ST6GALNAC3: variants seen among roughly 807,000 people sequenced by gnomAD.
The protein encoded by ST6GALNAC3 is ST6 N-acetylgalactosaminide alpha-2,6-sialyltransferase 3, also known as alpha-N-acetylgalactosaminide alpha-2,6-sialyltransferase 3.
Under a neutral mutation model 32.7 loss-of-function variants are expected in ST6GALNAC3, and 25 were observed. The observed-to-expected ratio is 0.76, with a 90% CI of 0.56 to 1.07. The LOEUF (loss-of-function observed/expected upper bound fraction) is 1.07. ST6GALNAC3 is among the 50% of genes least tolerant of loss of function. The pLI is 0.00. For missense variants in ST6GALNAC3, 355 were observed against 382.4 expected, an observed-to-expected ratio of 0.93 and a Z score of 0.60; for synonymous variants, 129 against 133.1, an observed-to-expected ratio of 0.97 and a Z score of 0.21.
In ST6GALNAC3 at chr1:76,482,435, C is replaced by A. The variant is rs142382177; in HGVS notation, c.623+70018C>A. On this transcript the variant is annotated intron_variant, in intron 3 of 4. Coordinates refer to ENST00000328299, the MANE Select transcript of ST6GALNAC3 (RefSeq NM_152996.4). ...GGTAAGTACAACAAAGTGTGTAATTCACTGGGAAGCAGAACAGAAAAGATG... is the reference window on the plus strand; with the variant it reads ...GGTAAGTACAACAAAGTGTGTAATTAACTGGGAAGCAGAACAGAAAAGATG... 2.6e-5 allele frequency among the ~76,000 whole-genome samples: 4 copies of A among 152,208 alleles called. No individual in the cohort carries two copies. The East Asian group carries it at 5.8e-4, about 22-fold the overall frequency.
chr1:76,498,424 G>A (rs1660987546), intron 3 of ST6GALNAC3, among the ~76,000 whole-genome samples: 1 of 152,152 alleles, frequency 6.6e-6, no homozygotes, highest in Non-Finnish European at 1.5e-5. Context: ...CTTTCCAAAT[G>A]TGAGGGTCAT....
chr1:76,367,114 A>G (rs1298025217), intron 2 of ST6GALNAC3, among the ~76,000 whole-genome samples: 1 of 152,210 alleles, frequency 6.6e-6, no homozygotes, highest in East Asian at 1.9e-4. Flanking sequence ...GTGTGAAGAA[A>G]ATAGGAGTTA....
intron 1 of ST6GALNAC3, among the ~76,000 whole-genome samples, chr1:76,167,620 T>A (rs1486374429): frequency 1.3e-5 from 2 of 152,180 alleles, no homozygotes; most frequent in Admixed American, 1.3e-4. Context: ...CATCTGGCCC[T>A]GGGCTTTTAT....
At chr1:76,549,257 C>T (rs1664476320) in intron 3 of ST6GALNAC3, among the ~76,000 whole-genome samples, 1 of 152,082 alleles carries the variant, frequency 6.6e-6, no homozygotes, top group Non-Finnish European at 1.5e-5. Context: ...ATCTCAAATC[C>T]AATTGATGTC....
chr1:76,630,996 A>G lies in ST6GALNAC3; in HGVS notation c.*2190A>G, dbSNP rs1649272110. The G allele has an allele frequency of 1.0e-6, 1 of 985,586 alleles. No individual in the cohort carries two copies. The highest frequency in any genetic ancestry group is 1.2e-6 in the Non-Finnish European group (1 of 829,872). 61.1% of individuals were successfully genotyped at this position (985,586 alleles called of 1,614,324 possible). The stretch of plus-strand genomic sequence containing the variant: ...AATTTATTTAGTTTTCTAATAAATG[A>G]AGGGCCAACTCTTATTTGTTCTAGC... On this transcript the variant is annotated 3_prime_UTR_variant, in exon 5 of 5. Transcript: ENST00000328299.
chr1:76,282,624 T>C (rs1659559534), intron 1 of ST6GALNAC3, among the ~76,000 whole-genome samples: 1 of 152,160 alleles, frequency 6.6e-6, no homozygotes, highest in Non-Finnish European at 1.5e-5. Flanking sequence ...TTTATTGTGA[T>C]TTTTCTTAAA....
At chr1:76,402,005 G>T (rs1273961275) in intron 2 of ST6GALNAC3, among the ~76,000 whole-genome samples, 1 of 151,374 alleles carries the variant, frequency 6.6e-6, no homozygotes, top group Non-Finnish European at 1.5e-5. Flanking sequence ...CTACCATCTT[G>T]TTAAGTCTTC....
chr1:76,123,906 C>T lies in ST6GALNAC3; in HGVS notation c.18+49022C>T, dbSNP rs183585491. Among the ~76,000 whole-genome samples the T allele has an allele frequency of 1.6e-4, 24 of 151,810 alleles. No individual in the cohort carries two copies. The East Asian group carries it at 3.1e-3, about 20-fold the overall frequency. On this transcript the variant is annotated intron_variant, in intron 1 of 4. Transcript: ENST00000328299. ...CTGGGATTACAAGCACATACCATGA[C>T]GCCTGGCTAATTTTTGTATTTTTTG... is the stretch of plus-strand genomic sequence containing the variant.
intron 3 of ST6GALNAC3, among the ~76,000 whole-genome samples, chr1:76,468,060 G>A (rs980253706): frequency 4.6e-5 from 7 of 151,466 alleles, no homozygotes; most frequent in Non-Finnish European, 8.8e-5. Flanking sequence ...AAATTAGGGT[G>A]TCATATATAC....
intron 2 of ST6GALNAC3, among the ~76,000 whole-genome samples, chr1:76,358,905 T>C (rs1649707408): frequency 1.3e-5 from 2 of 152,210 alleles, no homozygotes; most frequent in African/African-American, 4.8e-5. Context: ...TTAGATCTTT[T>C]ACCTCTTAGA....
intron 1 of ST6GALNAC3, among the ~76,000 whole-genome samples, chr1:76,267,173 G>A (rs570939753): frequency 8.5e-5 from 13 of 152,220 alleles, no homozygotes; most frequent in South Asian, 2.1e-4. Flanking sequence ...CTCAGGTCCC[G>A]GAACTTTTGA....
intron 1 of ST6GALNAC3, among the ~76,000 whole-genome samples, chr1:76,157,341 C>T (rs1229180651): frequency 6.6e-6 from 1 of 152,162 alleles, no homozygotes; most frequent in Non-Finnish European, 1.5e-5. Context: ...TAGCCTCCTA[C>T]TCCAAAAATG....
chr1:76,432,520 A>G (rs1655836442), intron 3 of ST6GALNAC3, among the ~76,000 whole-genome samples: 1 of 144,824 alleles, frequency 6.9e-6, no homozygotes, highest in Non-Finnish European at 1.5e-5. Context: ...AGTGGCACAA[A>G]CATGGCTCGC....
chr1:76,453,431 C>T (rs1435330515), intron 3 of ST6GALNAC3, among the ~76,000 whole-genome samples: 1 of 152,090 alleles, frequency 6.6e-6, no homozygotes, highest in Admixed American at 6.6e-5. Flanking sequence ...GAACTTTCCT[C>T]TTGGCACCGC....
At chr1:76,431,250 A>T (rs1359035979) in intron 3 of ST6GALNAC3, among the ~76,000 whole-genome samples, 3 of 152,160 alleles carry the variant, frequency 2.0e-5, no homozygotes, top group Admixed American at 6.6e-5. Context: ...GCTTGCCTCA[A>T]CTTTGCCACT....
At chr1:76,401,163 T>G (rs1653384260) in intron 2 of ST6GALNAC3, among the ~76,000 whole-genome samples, 1 of 152,130 alleles carries the variant, frequency 6.6e-6, no homozygotes, top group South Asian at 2.1e-4. Flanking sequence ...AGATTTCAAA[T>G]AAATGTATAC....
At position 76,546,095 on chromosome 1, in the gene ST6GALNAC3, C is replaced by G. The variant is rs578203860; in HGVS notation, c.624-81357C>G. On this transcript the variant is annotated intron_variant, in intron 3 of 4. Transcript: ENST00000328299. Reference sequence around the variant, plus strand: ...GACTCTGTACTTTCCAATTTGGAATCTTAACACCTAACAGTGCTTGGCACA... The same window carrying G: ...GACTCTGTACTTTCCAATTTGGAATGTTAACACCTAACAGTGCTTGGCACA... 5.9e-5 allele frequency among the ~76,000 whole-genome samples: 9 copies of G among 152,302 alleles called. No homozygotes were observed. In the South Asian group the frequency reaches 1.9e-3, roughly 32 times the overall value.
chr1:76,534,099 G>A (rs1365056898), intron 3 of ST6GALNAC3, among the ~76,000 whole-genome samples: 1 of 151,942 alleles, frequency 6.6e-6, no homozygotes, highest in Non-Finnish European at 1.5e-5. Flanking sequence ...CTGGAGTGCA[G>A]TGCCGTGATC....
At chr1:76,332,162 C>T (rs1284800134) in intron 2 of ST6GALNAC3, among the ~76,000 whole-genome samples, 1 of 152,158 alleles carries the variant, frequency 6.6e-6, no homozygotes, top group African/African-American at 2.4e-5. Context: ...GAGTTAATGA[C>T]AGTGGCAGTC....
Sources: allele counts gnomAD v4.1 joint callset (sites outside exome capture counted in the v4.1 genomes callset), GRCh38; gene constraint gnomAD v4.1.1; transcripts MANE v1.5; gene names NCBI Gene and HGNC (gene_info 2026-07-23, HGNC 2026-07-21).